DLG1: variants seen among roughly 807,000 people sequenced by gnomAD.
DLG1 encodes disks large homolog 1.
DLG1 carries 42 observed loss-of-function variants against 123.4 expected under a neutral mutation model. The ratio of observed to expected loss-of-function variants is 0.34; its 90% confidence interval spans 0.27 to 0.44. The LOEUF is 0.44. Among genes scored for constraint, DLG1 ranks in the 20% least tolerant of loss-of-function variants. The pLI is 1.00. For missense variants in DLG1, 942 were observed against 1,082.6 expected (o/e 0.87, Z 1.82); for synonymous variants, 317 against 356.2 (o/e 0.89, Z 1.24).
Position 197,104,922 on chromosome 3 carries a change from A to G in DLG1, c.1527T>C (p.Val509=). The G allele has an allele frequency of 6.2e-7, 1 of 1,612,696 alleles. No homozygotes were observed. Among genetic ancestry groups the G allele is most frequent in the Non-Finnish European group, 8.5e-7 (1 of 1,179,040 alleles). Residue 509 remains valine (V), a synonymous_variant, in exon 14 of 25, where the codon GTT becomes GTC. Coordinates refer to ENST00000667157, the MANE Select transcript of DLG1 (RefSeq NM_001366207.1). ...TATTACCTTCAGGTCGATATTGTGC[A>G]ACAATTGTGACAGCCTGGCCAGCAT... ...LKNAGQAVTI[V]AQYRPEEYSR... is the part of the protein sequence containing the mutation.
At chr3:197,092,786 A>T (rs945642438) in intron 14 of DLG1, among the ~76,000 whole-genome samples, 1 of 152,228 alleles carries the variant, frequency 6.6e-6, no homozygotes, top group African/African-American at 2.4e-5. Flanking sequence ...CACAAGTGTG[A>T]GCCACTGTAC....
intron 4 of DLG1, among the ~76,000 whole-genome samples, chr3:197,259,465 T>C (rs902602695): frequency 2.6e-5 from 4 of 152,180 alleles, no homozygotes; most frequent in African/African-American, 9.7e-5. Context: ...AATTTACAAA[T>C]TTACCTACTC....
rs553530999 is a variant in DLG1 at position 197,095,820 on chromosome 3, T to C, written c.1547-4794A>G. Among the ~76,000 whole-genome samples the C allele has an allele frequency of 7.2e-5, 11 of 152,336 alleles. No homozygotes were observed. In the East Asian group the frequency reaches 1.7e-3, roughly 24 times the overall value. The stretch of plus-strand genomic sequence containing the variant: ...TCAGTGGGTTATAATCTGCCATTAT[T>C]ATCACCAACTGAATGCTGAGATTGC... On this transcript the variant is annotated intron_variant, in intron 14 of 24. Transcript: ENST00000667157.
At chr3:197,181,182 C>A (rs955922114) in intron 5 of DLG1, among the ~76,000 whole-genome samples, 1 of 151,950 alleles carries the variant, frequency 6.6e-6, no homozygotes, top group Non-Finnish European at 1.5e-5. Context: ...AAATCAGATA[C>A]TTTTCATACT....
At chr3:197,285,025 T>C (rs542243026) in intron 3 of DLG1, among the ~76,000 whole-genome samples, 7 of 131,142 alleles carry the variant, frequency 5.3e-5, no homozygotes, top group African/African-American at 1.6e-4. Context: ...CATTCTTATC[T>C]ATTAAAAAAA....
At chr3:197,295,252 T>G (rs1051816842) in intron 3 of DLG1, among the ~76,000 whole-genome samples, 15 of 152,190 alleles carry the variant, frequency 9.9e-5, no homozygotes, top group Non-Finnish European at 2.2e-4. Context: ...GTGCATCAAG[T>G]GGTCTTTACA....
intron 16 of DLG1, among the ~76,000 whole-genome samples, chr3:197,083,985 A>G (rs1186768815): frequency 6.6e-6 from 1 of 152,014 alleles, no homozygotes; most frequent in Non-Finnish European, 1.5e-5. Flanking sequence ...AAAAAAATCA[A>G]TCTACCTACC....
At chr3:197,270,128 T>C (rs1000679262) in intron 4 of DLG1, among the ~76,000 whole-genome samples, 2 of 152,112 alleles carry the variant, frequency 1.3e-5, no homozygotes, top group Non-Finnish European at 2.9e-5. Flanking sequence ...ATGGAAACCA[T>C]CGTTATGCGT....
chr3:197,126,555 G>A (rs185965781), intron 11 of DLG1, among the ~76,000 whole-genome samples: 8 of 151,806 alleles, frequency 5.3e-5, no homozygotes, highest in African/African-American at 1.7e-4. Flanking sequence ...TTATTAGATA[G>A]GCAGCATTTA....
chr3:197,158,672 T>G (rs570439041), intron 5 of DLG1, among the ~76,000 whole-genome samples: 3 of 75,164 alleles, frequency 4.0e-5, no homozygotes, highest in African/African-American at 1.5e-4. Context: ...AGAGGCAGTA[T>G]GATGCTCTGC....
chr3:197,062,886 T>C (rs1736807932), intron 22 of DLG1, among the ~76,000 whole-genome samples: 2 of 152,198 alleles, frequency 1.3e-5, no homozygotes, highest in African/African-American at 4.8e-5. Context: ...AATTATCTAA[T>C]ATCTCCAATC....
chr3:197,176,426 T>C (rs568879816), intron 5 of DLG1, among the ~76,000 whole-genome samples: 1 of 152,288 alleles, frequency 6.6e-6, no homozygotes, highest in Admixed American at 6.5e-5. Flanking sequence ...TCATACAGAA[T>C]GGCTTTACTG....
rs10575004 is a variant in DLG1 at position 197,280,337 on chromosome 3, T to TTGTGTGTGTGTG, written c.318+2330_318+2341dup. 2.5e-4 allele frequency among the ~76,000 whole-genome samples: 37 copies of TTGTGTGTGTGTG among 150,024 alleles called. 1 individual carries two copies. The highest frequency in any genetic ancestry group is 6.8e-3 in the Middle Eastern group (2 of 294). On this transcript the variant is annotated intron_variant, in intron 4 of 24. Transcript: ENST00000667157. The stretch of plus-strand genomic sequence containing the variant: ...TTTTATGGCTGAATAGTAGTCCATT[T>TTGTGTGTGTGTG]TGTGTGTGTGTGTGTGTGTGTGTGT...
chr3:197,090,864 A>G (rs77261739), intron 15 of DLG1, 48 bp downstream of exon 15: 4 of 1,087,642 alleles, frequency 3.7e-6, no homozygotes, highest in African/African-American at 1.6e-5. Flanking sequence ...AATAATTTAC[A>G]TGCATAACTA....
intron 23 of DLG1, among the ~76,000 whole-genome samples, chr3:197,052,994 G>C (rs752893460): frequency 2.8e-4 from 43 of 152,154 alleles, no homozygotes; most frequent in Admixed American, 9.2e-4. Flanking sequence ...GTGACTTTTT[G>C]TAAGAAATTA....
chr3:197,085,136 A>ATG (rs1466800247), intron 16 of DLG1, among the ~76,000 whole-genome samples: 3 of 151,128 alleles, frequency 2.0e-5, no homozygotes, highest in Non-Finnish European at 4.4e-5. Flanking sequence ...ATATATATAT[A>ATG]TTATATATAT....
Position 197,132,292 on chromosome 3 carries a change from A to AT in DLG1, c.1021-1622dup, listed in dbSNP as rs34795928. Among the ~76,000 whole-genome samples, 351 of 146,548 alleles carry AT rather than the reference A, an allele frequency of 2.4e-3. 1 individual carries two copies. Among genetic ancestry groups the AT allele is most frequent in the Non-Finnish European group, 4.1e-3 (271 of 66,392 alleles). ...TTTGGATTGTTCTTCTCTTTGATAC[A>AT]TTTTTTTTTTTTGCAAATAAGTAAA... On this transcript the variant is annotated intron_variant, in intron 10 of 24. Transcript: ENST00000667157.
intron 4 of DLG1, among the ~76,000 whole-genome samples, chr3:197,261,145 T>G: frequency 6.6e-6 from 1 of 152,312 alleles, no homozygotes; most frequent in East Asian, 1.9e-4. Flanking sequence ...GTCAACTAAC[T>G]TTGTGAATTC....
rs1205751068 is a variant in DLG1, at chr3:197,065,888, A to G, written c.2099-79T>C. On this transcript the variant is annotated intron_variant, in intron 20 of 24. Coordinates refer to ENST00000667157, the MANE Select transcript of DLG1 (RefSeq NM_001366207.1). ...TATTTTATTTCACCAGCGAACAAAA[A>G]TATCCTTAACTGTTATGACTAATTT... 9 of 952,370 alleles carry G rather than the reference A, an allele frequency of 9.5e-6. No individual in the cohort carries two copies. The East Asian group carries it at 2.2e-4, about 24-fold the overall frequency. The allele number at this position is 952,370 out of a possible 1,614,324, so 59.0% of individuals were successfully genotyped here.
Sources: allele counts gnomAD v4.1 joint callset (sites outside exome capture counted in the v4.1 genomes callset), GRCh38; gene constraint gnomAD v4.1.1; transcripts MANE v1.5; gene names NCBI Gene and HGNC (gene_info 2026-07-23, HGNC 2026-07-21).